The following GPBP1L1 variants were observed in gnomAD, a reference collection of about 807,000 sequenced individuals.
The protein encoded by GPBP1L1 is GC-rich promoter binding protein 1 like 1.
In GPBP1L1, 23 loss-of-function variants were observed where a neutral mutation model predicts 52.5. The observed-to-expected ratio is 0.44, with a 90% CI of 0.32 to 0.62. The LOEUF (loss-of-function observed/expected upper bound fraction) is 0.62, where lower values mean the gene tolerates loss of function less well. GPBP1L1 is among the 20% of genes least tolerant of loss of function. The pLI, the probability that GPBP1L1 is intolerant of heterozygous loss-of-function variation, is 0.06. For missense variants in GPBP1L1, 596 were observed against 579.3 expected (o/e 1.03, Z -0.30); for synonymous variants, 243 against 203.1 (o/e 1.20, Z -1.67).
intron 5 of GPBP1L1, 61 bp from the exon 6 acceptor site, chr1:45,654,890 T>C: frequency 1.3e-6 from 2 of 1,499,386 alleles, no homozygotes; most frequent in Non-Finnish European, 1.8e-6. Flanking sequence ...TTTACGGTAT[T>C]GGCCAAAGGC....
At chr1:45,636,110 C>G (rs78448357) in intron 8 of GPBP1L1, among the ~76,000 whole-genome samples, 237 of 152,288 alleles carry the variant, frequency 1.6e-3, no homozygotes, top group Non-Finnish European at 2.0e-3. Context: ...TCATAAATAA[C>G]CAAAACTTTC....
rs1006301355 is a variant in GPBP1L1, at chr1:45,660,418, G to C, written c.-290C>G. The C allele has an allele frequency of 3.1e-6, 3 of 982,782 alleles. No homozygotes were observed. In the African/African-American group the frequency reaches 5.3e-5, roughly 17 times the overall value. 60.9% of individuals were successfully genotyped at this position (982,782 alleles called of 1,614,324 possible). On this transcript the variant is annotated 5_prime_UTR_variant, in exon 3 of 13. Transcript: ENST00000355105. ...AAGGGGAAAGGGGAAAAGGGGAAGGGGGGAAGGGGAACATAAAAAGTATTT... is the reference window on the plus strand; with the variant it reads ...AAGGGGAAAGGGGAAAAGGGGAAGGCGGGAAGGGGAACATAAAAAGTATTT...
upstream of GPBP1L1, chr1:45,686,551 G>C (rs903987024): frequency 2.0e-5 from 3 of 152,656 alleles, no homozygotes; most frequent in African/African-American, 7.2e-5. Flanking sequence ...ACAAGGTCCA[G>C]GAGGGGCAGA....
chr1:45,637,880 CA>C (rs1044686909), intron 8 of GPBP1L1, among the ~76,000 whole-genome samples: 6 of 151,154 alleles, frequency 4.0e-5, no homozygotes, highest in South Asian at 2.1e-4. Context: ...TTACTCCTCA[CA>C]AAAAAAAGGG....
intron 1 of GPBP1L1, 140 bp from the exon 2 acceptor site, chr1:45,685,760 C>T (rs2148532260): frequency 6.6e-6 from 1 of 152,322 alleles, no homozygotes; most frequent in Non-Finnish European, 1.5e-5. Flanking sequence ...TTCAGACTGT[C>T]TTTCGAATTT....
At chr1:45,670,399 T>C (rs1645060104) in intron 2 of GPBP1L1, among the ~76,000 whole-genome samples, 1 of 152,240 alleles carries the variant, frequency 6.6e-6, no homozygotes, top group Non-Finnish European at 1.5e-5. Context: ...GGGTTATCTT[T>C]TGATTTTCTT....
At chr1:45,669,595 G>A (rs559836800) in intron 2 of GPBP1L1, among the ~76,000 whole-genome samples, 28 of 148,364 alleles carry the variant, frequency 1.9e-4, no homozygotes, top group Admixed American at 1.6e-3. Context: ...AGTCTTCTTC[G>A]GGGTAAAGGC....
chr1:45,632,516 G>C (rs973040172), intron 10 of GPBP1L1, among the ~76,000 whole-genome samples: 5 of 152,136 alleles, frequency 3.3e-5, no homozygotes, highest in African/African-American at 7.2e-5. Flanking sequence ...AGGAGTTCAA[G>C]ACCAGCCTGG....
intron 2 of GPBP1L1, among the ~76,000 whole-genome samples, chr1:45,668,334 C>A (rs768722373): frequency 3.0e-4 from 45 of 151,962 alleles, no homozygotes; most frequent in Admixed American, 9.2e-4. Flanking sequence ...TTTTAAGTAC[C>A]TAATAAATTA....
chr1:45,629,572 A>T lies in GPBP1L1; in HGVS notation c.1272+4T>A. The T allele has an allele frequency of 1.3e-6, 2 of 1,581,848 alleles. No homozygotes were observed. The highest frequency in any genetic ancestry group is 1.7e-6 in the Non-Finnish European group (2 of 1,151,226). ...GGTCTCTAGGAAGAAGGTTTACAAC[A>T]TACCTGCTCTGTCTTCATGTGGAAC... On this transcript the variant is annotated splice_donor_region_variant and intron_variant, in intron 12 of 12. Coordinates refer to ENST00000355105, the MANE Select transcript of GPBP1L1 (RefSeq NM_021639.5).
At chr1:45,637,098 T>C (rs59315920) in intron 8 of GPBP1L1, among the ~76,000 whole-genome samples, 1 of 152,206 alleles carries the variant, frequency 6.6e-6, no homozygotes, top group African/African-American at 2.4e-5. Context: ...CCGTAAAGAC[T>C]TTGATGACCC....
At chr1:45,629,458 C>CGG in intron 12 of GPBP1L1, 118 bp downstream of exon 12, 3 of 126,608 alleles carry the variant, frequency 2.4e-5, no homozygotes, top group South Asian at 3.8e-4. Flanking sequence ...AGGTAATCCC[C>CGG]CCCCCCCCCA....
intron 2 of GPBP1L1, among the ~76,000 whole-genome samples, chr1:45,672,730 G>C (rs1027697571): frequency 6.6e-6 from 1 of 152,158 alleles, no homozygotes; most frequent in African/African-American, 2.4e-5. Flanking sequence ...TAAAGATTGG[G>C]GAGACTGAGG....
chr1:45,674,053 GT>G (rs1645108700), intron 2 of GPBP1L1, among the ~76,000 whole-genome samples: 3 of 149,950 alleles, frequency 2.0e-5, no homozygotes, highest in African/African-American at 4.9e-5. Context: ...ACTCCAGCCT[GT>G]GTGAAAGAGT....
intron 12 of GPBP1L1, among the ~76,000 whole-genome samples, chr1:45,629,330 G>C (rs1644497607): frequency 2.0e-5 from 3 of 152,112 alleles, no homozygotes. Flanking sequence ...AGAGCTGTTA[G>C]GATGAAAGAG....
At chr1:45,629,466 C>CCCA (rs1644501569) in intron 12 of GPBP1L1, 110 bp downstream of exon 12, 1 of 152,618 alleles carries the variant, frequency 6.6e-6, no homozygotes, top group Admixed American at 6.9e-5. Flanking sequence ...CCCCCCCCCC[C>CCCA]CACCCGATCT....
chr1:45,672,540 T>C (rs199536390), intron 2 of GPBP1L1, among the ~76,000 whole-genome samples: 1 of 78,354 alleles, frequency 1.3e-5, no homozygotes, highest in African/African-American at 4.2e-5. Flanking sequence ...TTTATACACA[T>C]GTTAACTTTT....
intron 10 of GPBP1L1, among the ~76,000 whole-genome samples, chr1:45,632,342 G>A (rs1033146226): frequency 6.6e-6 from 1 of 152,140 alleles, no homozygotes; most frequent in Admixed American, 6.5e-5. Context: ...GGCGGTGGTT[G>A]CAGTAAGCTG....
In GPBP1L1 at chr1:45,664,022, T is replaced by C. The variant is rs1169329106; in HGVS notation, c.-1097-2797A>G. ...CTGGGACTGCAGGTGAAAGCCACCA[T>C]GCTGAGCTAATTAAAAAAAAATTTC... is the stretch of plus-strand genomic sequence containing the variant. On this transcript the variant is annotated intron_variant, in intron 2 of 12. Coordinates refer to ENST00000355105, the MANE Select transcript of GPBP1L1 (RefSeq NM_021639.5). 3.2e-4 allele frequency among the ~76,000 whole-genome samples: 48 copies of C among 152,028 alleles called. 1 individual carries two copies. Among genetic ancestry groups the C allele is most frequent in the Admixed American group, 3.0e-3 (46 of 15,248 alleles).
Sources: gnomAD v4.1 joint callset for allele counts (sites outside exome capture counted in the v4.1 genomes callset) on GRCh38, gnomAD v4.1.1 for gene constraint, MANE v1.5 for transcripts, NCBI Gene and HGNC (gene_info 2026-07-23, HGNC 2026-07-21) for gene names.